SLC7A5: variants seen among roughly 807,000 people sequenced by gnomAD.
The protein encoded by SLC7A5 is solute carrier family 7 member 5, also known as large neutral amino acids transporter small subunit 1.
A neutral mutation model predicts 50.2 loss-of-function variants in SLC7A5; 23 were observed. The observed-to-expected ratio is 0.46, with a 90% CI of 0.33 to 0.65. SLC7A5 has a LOEUF of 0.65. Ranked by LOEUF, SLC7A5 falls within the 30% of genes least tolerant of loss-of-function variation. SLC7A5 has a pLI of 0.02. For synonymous variants in SLC7A5, 393 were observed against 330.6 expected (o/e 1.19, Z -2.05); for missense variants, 578 against 684.4 (o/e 0.84, Z 1.73).
intron 2 of SLC7A5, among the ~76,000 whole-genome samples, chr16:87,849,898 C>A (rs927203170): frequency 6.6e-6 from 1 of 152,156 alleles, no homozygotes; most frequent in Non-Finnish European, 1.5e-5. Flanking sequence ...CCTTCCAGAG[C>A]CACCTGGGAA....
intron 3 of SLC7A5, among the ~76,000 whole-genome samples, 196 bp from the exon 4 acceptor site, chr16:87,840,669 C>T (rs2055072423): frequency 6.6e-6 from 1 of 152,178 alleles, no homozygotes; most frequent in Non-Finnish European, 1.5e-5. Context: ...CTTCCAGGCC[C>T]TCCCGCACAT....
intron 8 of SLC7A5, among the ~76,000 whole-genome samples, chr16:87,835,775 A>G (rs953822296): frequency 3.9e-5 from 6 of 152,142 alleles, no homozygotes; most frequent in Non-Finnish European, 8.8e-5. Flanking sequence ...CGCCCAGCCT[A>G]AAGCCCGTTC....
Position 87,866,169 on chromosome 16 carries a change from C to A in SLC7A5, c.538+2716G>T, listed in dbSNP as rs2055458328. Reference sequence around the variant, plus strand: ...AAGTCTTCTTAGCAGCTAAAGAGGGCAGCCTCTGCGTACTGCCTGGGAACA... The same window carrying A: ...AAGTCTTCTTAGCAGCTAAAGAGGGAAGCCTCTGCGTACTGCCTGGGAACA... On this transcript the variant is annotated intron_variant, in intron 1 of 9. Transcript: ENST00000261622. Among the ~76,000 whole-genome samples, 8 of 152,084 alleles carry A rather than the reference C, an allele frequency of 5.3e-5. No homozygotes were observed. In the South Asian group the frequency reaches 1.7e-3, roughly 32 times the overall value.
chr16:87,837,103 T>G (rs889178155), intron 7 of SLC7A5, among the ~76,000 whole-genome samples: 6 of 152,254 alleles, frequency 3.9e-5, no homozygotes, highest in African/African-American at 1.2e-4. Flanking sequence ...CAGGACTTGC[T>G]GCCCTTCCTG....
intron 2 of SLC7A5, among the ~76,000 whole-genome samples, chr16:87,843,865 C>T (rs1033356078): frequency 6.6e-6 from 1 of 152,206 alleles, no homozygotes; most frequent in African/African-American, 2.4e-5. Context: ...AGCCTCTACC[C>T]CTGCCGGGAG....
chr16:87,852,636 C>CTG lies in SLC7A5; in HGVS notation c.539-788_539-787insCA, dbSNP rs1491292186. Among the ~76,000 whole-genome samples the CTG allele has an allele frequency of 2.1e-5, 2 of 97,498 alleles. No individual in the cohort carries two copies. The highest frequency in any genetic ancestry group is 3.3e-4 in the South Asian group (1 of 3,026). The allele number at this position is 97,498 out of a possible 152,430, so 64.0% of individuals were successfully genotyped here. A position where few individuals can be genotyped will look rare whatever the true frequency, so the allele number is the denominator to read the frequency against. On this transcript the variant is annotated intron_variant, in intron 1 of 9. Coordinates refer to ENST00000261622, the MANE Select transcript of SLC7A5 (RefSeq NM_003486.7). The surrounding 1 kb of genome is among the most constrained non-coding windows in gnomAD (Gnocchi z 4.5). ...CCCTGTAAGGCACCCAGCTCTGAGCCTCTGTGTGTGTGTGTGTGTGTGTGT... is the reference window on the plus strand; with the variant it reads ...CCCTGTAAGGCACCCAGCTCTGAGCCTGTCTGTGTGTGTGTGTGTGTGTGTGT...
rs555133949 is a variant in SLC7A5 at position 87,864,754 on chromosome 16, A to G, written c.538+4131T>C. ...TGATCAGCTAGTCAGACGTGCATTT[A>G]TTCAGTATGATTAACTAACAAAAGC... On this transcript the variant is annotated intron_variant, in intron 1 of 9. Coordinates refer to ENST00000261622, the MANE Select transcript of SLC7A5 (RefSeq NM_003486.7). Among the ~76,000 whole-genome samples, 8 of 152,354 alleles carry G rather than the reference A, an allele frequency of 5.3e-5. No individual in the cohort carries two copies. In the South Asian group the frequency reaches 1.4e-3, roughly 28 times the overall value.
intron 2 of SLC7A5, among the ~76,000 whole-genome samples, chr16:87,842,148 C>T (rs1270800216): frequency 6.6e-6 from 1 of 152,248 alleles, no homozygotes; most frequent in Non-Finnish European, 1.5e-5. Context: ...GGGTCCCCTC[C>T]TGCCTACCTG....
chr16:87,845,045 C>A (rs8052118), intron 2 of SLC7A5, among the ~76,000 whole-genome samples: 48,666 of 151,984 alleles, frequency 0.32, 8,488 homozygotes, highest in South Asian at 0.57. Flanking sequence ...CCTGGAGCCA[C>A]GGGCAGCTGG....
At chr16:87,834,262 C>T in intron 9 of SLC7A5, 152 bp downstream of exon 9, 1 of 743,984 alleles carries the variant, frequency 1.3e-6, no homozygotes. Context: ...ACCATGTGGG[C>T]TGCGTGTCAC....
intron 1 of SLC7A5, among the ~76,000 whole-genome samples, chr16:87,867,932 G>C (rs1417125249): frequency 6.6e-6 from 1 of 151,930 alleles, no homozygotes; most frequent in African/African-American, 2.4e-5. Context: ...TGGCTAACAC[G>C]GTGAAACGCC....
chr16:87,847,672 G>A (rs939028117), intron 2 of SLC7A5, among the ~76,000 whole-genome samples: 1 of 152,172 alleles, frequency 6.6e-6, no homozygotes, highest in East Asian at 1.9e-4. Flanking sequence ...ACAGAGGTGT[G>A]GGCCTCCCCC....
intron 2 of SLC7A5, among the ~76,000 whole-genome samples, chr16:87,849,590 T>A (rs1301349156): frequency 6.6e-6 from 1 of 152,154 alleles, no homozygotes; most frequent in Non-Finnish European, 1.5e-5. Context: ...AAGCACCCCT[T>A]CCGTGCCCAC....
intron 2 of SLC7A5, among the ~76,000 whole-genome samples, chr16:87,849,341 G>C (rs1444663699): frequency 1.3e-5 from 2 of 152,192 alleles, no homozygotes; most frequent in African/African-American, 4.8e-5. Context: ...AGCCAAACAG[G>C]AGACAGGAAT....
chr16:87,840,880 G>C (rs181972403), intron 3 of SLC7A5, among the ~76,000 whole-genome samples, 170 bp downstream of exon 3: 118 of 151,626 alleles, frequency 7.8e-4, no homozygotes, highest in African/African-American at 2.8e-3. Context: ...GTCGGGATGT[G>C]GGTGACTCTG....
At chr16:87,843,386 T>TTTTG (rs2055107566) in intron 2 of SLC7A5, among the ~76,000 whole-genome samples, 1 of 76,502 alleles carries the variant, frequency 1.3e-5, no homozygotes, top group Non-Finnish European at 2.2e-5. Flanking sequence ...TTTTTTTTTT[T>TTTTG]GAGACAGAGT....
rs536418095 is a variant in SLC7A5 at position 87,840,054 on chromosome 16, C to T, written c.816-229G>A. Among the ~76,000 whole-genome samples the T allele has an allele frequency of 7.5e-4, 115 of 152,338 alleles. 1 individual carries two copies. In the Middle Eastern group the frequency reaches 0.01, roughly 14 times the overall value. ...TGCCTTGGCCGCGGCCTCAGCTTCC[C>T]CACCTGAGAAATGGGGATTCTTCGG... On this transcript the variant is annotated intron_variant, in intron 4 of 9. Transcript: ENST00000261622.
In SLC7A5 at chr16:87,832,919, A is replaced by G; in HGVS notation, c.*51T>C. ...CGGAGTGGGTTCGAGGAGGTGATCT[A>G]CTTTAACTGGCCTCTGCGCATGCTC... is the stretch of plus-strand genomic sequence containing the variant. On this transcript the variant is annotated 3_prime_UTR_variant, in exon 10 of 10. Coordinates refer to ENST00000261622, the MANE Select transcript of SLC7A5 (RefSeq NM_003486.7). This position sits in a 1 kb window ranked among gnomAD's most constrained non-coding sequence, Gnocchi z 4.6. 1 of 1,483,134 alleles carries G rather than the reference A, an allele frequency of 6.7e-7. No individual in the cohort carries two copies. Among genetic ancestry groups the G allele is most frequent in the Non-Finnish European group, 9.4e-7 (1 of 1,061,328 alleles). The allele number at this position is 1,483,134 out of a possible 1,614,324, so 91.9% of individuals were successfully genotyped here.
At chr16:87,863,985 A>AG (rs1168599505) in intron 1 of SLC7A5, among the ~76,000 whole-genome samples, 1 of 103,506 alleles carries the variant, frequency 9.7e-6, no homozygotes, top group Non-Finnish European at 1.9e-5. Context: ...GATCATTTAA[A>AG]AATATATATA....
Sources: gnomAD v4.1 joint callset for allele counts (sites outside exome capture counted in the v4.1 genomes callset) on GRCh38, gnomAD v4.1.1 for gene constraint, Gnocchi (gnomAD v3.1) non-coding constraint, MANE v1.5 for transcripts, NCBI Gene and HGNC (gene_info 2026-07-23, HGNC 2026-07-21) for gene names.